NAV3: variants seen among roughly 807,000 people sequenced by gnomAD.
The protein encoded by NAV3 is pore membrane and/or filament interacting like protein 1.
In NAV3, 87 loss-of-function variants were observed where a neutral mutation model predicts 244.7. That is an observed-to-expected ratio of 0.36 (90% CI 0.30 to 0.42). The LOEUF (loss-of-function observed/expected upper bound fraction) is 0.42. Among genes scored for constraint, NAV3 ranks in the 20% least tolerant of loss-of-function variants. NAV3 has a pLI of 1.00. For missense variants in NAV3, 2,663 were observed against 2,893.3 expected, an observed-to-expected ratio of 0.92 and a Z score of 1.83; for synonymous variants, 1,126 against 1,042.2, an observed-to-expected ratio of 1.08 and a Z score of -1.55.
intron 6 of NAV3, among the ~76,000 whole-genome samples, chr12:77,996,670 T>G (rs1166437325): frequency 6.6e-6 from 1 of 152,102 alleles, no homozygotes; most frequent in East Asian, 1.9e-4. Flanking sequence ...AATGATATAG[T>G]CTAGTAGTAT....
At chr12:77,674,445 C>T (rs1411248838) in intron 2 of NAV3, among the ~76,000 whole-genome samples, 4 of 151,904 alleles carry the variant, frequency 2.6e-5, no homozygotes, top group South Asian at 2.1e-4. Flanking sequence ...TGCATTGGCA[C>T]GATCATGGCT....
At chr12:77,750,756 G>A (rs1868809331) in intron 2 of NAV3, among the ~76,000 whole-genome samples, 1 of 152,078 alleles carries the variant, frequency 6.6e-6, no homozygotes, top group African/African-American at 2.4e-5. Flanking sequence ...CATGCTGTTA[G>A]CATTAAAAAG....
At chr12:77,902,949 A>C (rs928204456) in intron 1 of NAV3, among the ~76,000 whole-genome samples, 12 of 152,128 alleles carry the variant, frequency 7.9e-5, no homozygotes, top group African/African-American at 2.4e-4. Flanking sequence ...ATGTGAAGGA[A>C]CTCTTCAAGG....
intron 1 of NAV3, among the ~76,000 whole-genome samples, chr12:77,859,757 G>GAAA (rs1491555214): frequency 7.4e-4 from 6 of 8,146 alleles, no homozygotes; most frequent in Admixed American, 2.5e-3. Context: ...GCTTTCAAAT[G>GAAA]CAAAAAAAAA....
intron 1 of NAV3, among the ~76,000 whole-genome samples, chr12:77,880,261 G>A (rs1882457913): frequency 6.6e-6 from 1 of 152,114 alleles, no homozygotes; most frequent in Non-Finnish European, 1.5e-5. Context: ...GATACCAGCA[G>A]GAAGCCTGAG....
At chr12:77,835,895 T>C (rs1247725331) in intron 1 of NAV3, among the ~76,000 whole-genome samples, 1 of 152,232 alleles carries the variant, frequency 6.6e-6, no homozygotes, top group East Asian at 1.9e-4. Flanking sequence ...AGATGTCTTC[T>C]TCCTGGGTGT....
chr12:77,985,314 A>G (rs775105307), intron 5 of NAV3, among the ~76,000 whole-genome samples: 2 of 152,138 alleles, frequency 1.3e-5, no homozygotes, highest in Non-Finnish European at 2.9e-5. Context: ...ATCAATCTTC[A>G]TGTTTGTCAG....
intron 2 of NAV3, among the ~76,000 whole-genome samples, chr12:77,629,165 G>GTTATTTATTT (rs1871774589): frequency 6.6e-6 from 1 of 152,144 alleles, no homozygotes; most frequent in Non-Finnish European, 1.5e-5. Flanking sequence ...TGTAAAAAAT[G>GTTATTTATTT]AGAGTTGATT....
chr12:77,850,356 T>A (rs1451313007), intron 1 of NAV3, among the ~76,000 whole-genome samples: 1 of 152,240 alleles, frequency 6.6e-6, no homozygotes, highest in Non-Finnish European at 1.5e-5. Flanking sequence ...TGGATCTTCC[T>A]CTAAGTAATC....
chr12:78,050,032 A>G lies in NAV3; in HGVS notation c.2063A>G (p.Asn688Ser), dbSNP rs777138414. Residue 688 changes from asparagine (N) to serine (S), a missense_variant, in exon 10 of 40, where the codon AAC (asparagine) becomes AGC (serine). Asn to Ser is a conservative substitution (Grantham distance 46, BLOSUM62 1). Around this residue, in one of 6 missense-constraint regions of NAV3, gnomAD observed 1,521 missense variants for 1,497.0 expected, o/e 1.02. Transcript: ENST00000397909. The part of the protein sequence containing the change: ...PETRRMRTVK[N>S]IADLRQNLEE... ...ACAAGAAGAATGAGAACAGTTAAAA[A>G]CATAGCAGACTTGAGGCAGAATTTA... is the stretch of plus-strand genomic sequence containing the variant. 10 of 1,613,334 alleles carry G rather than the reference A, an allele frequency of 6.2e-6. No homozygotes were observed. Among genetic ancestry groups the G allele is most frequent in the Non-Finnish European group, 4.2e-6 (5 of 1,179,740 alleles).
At chr12:77,871,053 T>C (rs2136453594) in intron 1 of NAV3, among the ~76,000 whole-genome samples, 1 of 152,250 alleles carries the variant, frequency 6.6e-6, no homozygotes, top group African/African-American at 2.4e-5. Context: ...AACCGGCCCA[T>C]CATAGGAGGC....
chr12:77,874,287 C>T (rs575951516), intron 1 of NAV3, among the ~76,000 whole-genome samples: 4 of 152,120 alleles, frequency 2.6e-5, no homozygotes, highest in African/African-American at 9.6e-5. Context: ...GCTGCAATCA[C>T]GGATCACTGC....
chr12:77,989,130 A>C (rs145646645), intron 5 of NAV3, among the ~76,000 whole-genome samples: 271 of 152,258 alleles, frequency 1.8e-3, no homozygotes, highest in Middle Eastern at 6.8e-3. Flanking sequence ...GATTTTTAAG[A>C]TTACAGTAAT....
chr12:78,128,531 T>C (rs1398441637), intron 17 of NAV3, among the ~76,000 whole-genome samples, 175 bp from the exon 18 acceptor site: 1 of 152,166 alleles, frequency 6.6e-6, no homozygotes, highest in Non-Finnish European at 1.5e-5. Context: ...TTTTTCCCTA[T>C]GTGATTCAAA....
chr12:78,160,406 T>TGA, intron 23 of NAV3, among the ~76,000 whole-genome samples: 2 of 138,904 alleles, frequency 1.4e-5, no homozygotes, highest in African/African-American at 5.3e-5. Context: ...TGTGCGTGCG[T>TGA]GTGTGTGTGT....
chr12:77,624,589 A>G (rs1048895031), intron 2 of NAV3, among the ~76,000 whole-genome samples: 26 of 152,236 alleles, frequency 1.7e-4, no homozygotes, highest in African/African-American at 6.0e-4. Context: ...CAGTGGACAT[A>G]CAGAAGGTAT....
chr12:77,856,287 GCTAT>G (rs981121269), intron 1 of NAV3, among the ~76,000 whole-genome samples: 3 of 152,110 alleles, frequency 2.0e-5, no homozygotes, highest in African/African-American at 7.2e-5. Flanking sequence ...GTGACATGTA[GCTAT>G]CTAAGTCTTA....
At position 78,080,312 on chromosome 12, in the gene NAV3, C is replaced by G. The variant is rs142302825; in HGVS notation, c.2636+21197C>G. On this transcript the variant is annotated intron_variant, in intron 12 of 39. Coordinates refer to ENST00000397909, the MANE Select transcript of NAV3 (RefSeq NM_001024383.2). ...GAACAGAAAGACTAGGTCAAGCATT[C>G]TCTCGTTTTCCAAAGATCATTAAAA... 2.3e-3 allele frequency among the ~76,000 whole-genome samples: 350 copies of G among 152,296 alleles called. 1 individual carries two copies. The highest frequency in any genetic ancestry group is 3.8e-3 in the Non-Finnish European group (261 of 68,016).
In NAV3 at chr12:77,804,599, T is replaced by A. The variant is rs548874323; in HGVS notation, c.73-135720T>A. 2.1e-4 allele frequency among the ~76,000 whole-genome samples: 32 copies of A among 152,314 alleles called. No homozygotes were observed. In the South Asian group the frequency reaches 6.6e-3, roughly 32 times the overall value. On this transcript the variant is annotated intron_variant, in intron 2 of 8. Transcript: ENST00000550042. ...CCTTGTAGTATAGTTTGAAGTCACA[T>A]AGTATGGTGCCTCCAGCTTTGTTCT...
Sources: gnomAD v4.1 joint callset for allele counts (sites outside exome capture counted in the v4.1 genomes callset) on GRCh38, gnomAD v4.1.1 for gene constraint, gnomAD v4.1.1 regional missense constraint, MANE v1.5 for transcripts, NCBI Gene and HGNC (gene_info 2026-07-23, HGNC 2026-07-21) for gene names.